Variants in NTN1 observed in about 807,000 individuals in gnomAD.
NTN1 encodes the protein netrin 1, also known as netrin-1.
Under a neutral mutation model 54.2 loss-of-function variants are expected in NTN1, and 11 were observed. The observed-to-expected ratio is 0.20, with a 90% CI of 0.13 to 0.34. NTN1 has a LOEUF of 0.34. Ranked by LOEUF, NTN1 falls within the 10% of genes least tolerant of loss-of-function variation. NTN1 has a pLI of 1.00. For missense variants in NTN1, 740 were observed against 893.1 expected (o/e 0.83, Z 2.18); for synonymous variants, 371 against 382.0 (o/e 0.97, Z 0.33).
intron 2 of NTN1, among the ~76,000 whole-genome samples, chr17:9,097,747 G>A (rs563486530): frequency 8.5e-5 from 13 of 152,198 alleles, no homozygotes; most frequent in Admixed American, 2.6e-4. Flanking sequence ...GCAGTTAAGC[G>A]CTTTTATCAC....
chr17:9,116,668 G>C (rs1413542625), intron 2 of NTN1, among the ~76,000 whole-genome samples: 1 of 152,176 alleles, frequency 6.6e-6, no homozygotes, highest in Non-Finnish European at 1.5e-5. Context: ...TGTCACCTAG[G>C]AAGGCCCCAG....
chr17:9,193,938 A>AAAAAAAAAAAAAAAAAAAAAAAAAAAAC (rs796452392), intron 5 of NTN1, among the ~76,000 whole-genome samples: 5 of 108,304 alleles, frequency 4.6e-5, no homozygotes, highest in Admixed American at 1.0e-4. Flanking sequence ...AAAAAAAAAA[A>AAAAAAAAAAAAAAAAAAAAAAAAAAAAC]AAAAAACATT....
intron 2 of NTN1, among the ~76,000 whole-genome samples, chr17:9,151,436 C>T (rs1167818440): frequency 6.6e-6 from 1 of 152,182 alleles, no homozygotes; most frequent in Non-Finnish European, 1.5e-5. Context: ...AGCCTCCCGT[C>T]CCACTCTGAC....
intron 2 of NTN1, among the ~76,000 whole-genome samples, chr17:9,133,738 C>T (rs1360536128): frequency 6.8e-6 from 1 of 147,860 alleles, no homozygotes; most frequent in East Asian, 2.0e-4. Flanking sequence ...CAGGTGCGCA[C>T]CACCATGCCC....
intron 4 of NTN1, among the ~76,000 whole-genome samples, chr17:9,180,489 A>G (rs2092415581): frequency 6.6e-6 from 1 of 152,092 alleles, no homozygotes; most frequent in Non-Finnish European, 1.5e-5. Context: ...GTCTATCCTG[A>G]CAAACACTGA....
At chr17:9,217,100 G>A (rs936087531) in intron 5 of NTN1, among the ~76,000 whole-genome samples, 1 of 151,306 alleles carries the variant, frequency 6.6e-6, no homozygotes, top group Non-Finnish European at 1.5e-5. Context: ...CTGTCCTTCT[G>A]GTCCCTAGTG....
At chr17:9,084,083 A>G (rs561078223) in intron 2 of NTN1, among the ~76,000 whole-genome samples, 1 of 152,274 alleles carries the variant, frequency 6.6e-6, no homozygotes, top group South Asian at 2.1e-4. Flanking sequence ...TCCGAAATAT[A>G]TTTCCAAAAG....
intron 2 of NTN1, among the ~76,000 whole-genome samples, chr17:9,105,700 C>T (rs950386629): frequency 6.6e-6 from 1 of 151,994 alleles, no homozygotes; most frequent in African/African-American, 2.4e-5. Flanking sequence ...CTCTCTGTCT[C>T]TCTCTGTTTC....
rs1256645240 is a variant in NTN1, at chr17:9,159,486, G to C, written c.1019-3327G>C. On this transcript the variant is annotated intron_variant, in intron 2 of 6. Coordinates refer to ENST00000173229, the MANE Select transcript of NTN1 (RefSeq NM_004822.3). ...TACAGCCTTTCTTGAGGGCAGTTTG[G>C]CAATTTGGTGCCAATGTTAAAAACA... is the stretch of plus-strand genomic sequence containing the variant. Among the ~76,000 whole-genome samples the C allele has an allele frequency of 2.6e-5, 4 of 152,156 alleles. No homozygotes were observed. In the East Asian group the frequency reaches 5.8e-4, roughly 22 times the overall value.
chr17:9,183,503 C>T (rs746120087), intron 5 of NTN1: 33 of 361,860 alleles, frequency 9.1e-5, no homozygotes, highest in Non-Finnish European at 1.6e-4. Context: ...AAGCCTGCAC[C>T]GTGGTCACTG....
intron 6 of NTN1, among the ~76,000 whole-genome samples, chr17:9,229,872 C>G (rs907961054): frequency 6.6e-6 from 1 of 152,060 alleles, no homozygotes; most frequent in Non-Finnish European, 1.5e-5. Context: ...TGGGAATGAC[C>G]GTAGCTCACT....
intron 2 of NTN1, among the ~76,000 whole-genome samples, chr17:9,037,630 T>C (rs1179122167): frequency 1.3e-5 from 2 of 152,150 alleles, no homozygotes; most frequent in Admixed American, 6.5e-5. Context: ...TTTATTTTTC[T>C]CCCTCACTGA....
intron 2 of NTN1, among the ~76,000 whole-genome samples, chr17:9,054,942 C>T (rs183892953): frequency 9.2e-5 from 14 of 152,152 alleles, no homozygotes; most frequent in Admixed American, 5.9e-4. Flanking sequence ...TAAACAATAG[C>T]GGTTTTAATG....
chr17:9,015,741 G>A, the NTN1 span, among the ~76,000 whole-genome samples: 38 of 152,040 alleles, frequency 2.5e-4, no homozygotes, highest in African/African-American at 8.9e-4. Context: ...CATTCCCAAT[G>A]CTCCTTCCCT....
At chr17:9,145,468 C>G (rs573357871) in intron 2 of NTN1, among the ~76,000 whole-genome samples, 2 of 152,360 alleles carry the variant, frequency 1.3e-5, no homozygotes, top group South Asian at 4.1e-4. Flanking sequence ...CCCCCTACCA[C>G]CCCATTTGCA....
chr17:9,036,812 T>C (rs1258326707), intron 2 of NTN1, among the ~76,000 whole-genome samples: 1 of 152,140 alleles, frequency 6.6e-6, no homozygotes, highest in Non-Finnish European at 1.5e-5. Context: ...CTCTATAACT[T>C]GAATGATACA....
At chr17:9,141,813 G>A (rs2092298689) in intron 2 of NTN1, among the ~76,000 whole-genome samples, 1 of 152,138 alleles carries the variant, frequency 6.6e-6, no homozygotes, top group Admixed American at 6.6e-5. Context: ...TGTAATCCCA[G>A]CACTTTGGGA....
Position 9,221,308 on chromosome 17 carries a change from C to G in NTN1, c.1486+66C>G. 3 of 1,310,720 alleles carry G rather than the reference C, an allele frequency of 2.3e-6. No individual in the cohort carries two copies. In the Middle Eastern group the frequency reaches 5.7e-4, roughly 250 times the overall value. 81.2% of individuals were successfully genotyped at this position (1,310,720 alleles called of 1,614,324 possible). ...CCACGTGACCAGCGAGGTGCTGGGGCTGGGGTGCAGCTGGCCCCCGATGGG... is the reference window on the plus strand; with the variant it reads ...CCACGTGACCAGCGAGGTGCTGGGGGTGGGGTGCAGCTGGCCCCCGATGGG... On this transcript the variant is annotated intron_variant, in intron 6 of 6. Coordinates refer to ENST00000173229, the MANE Select transcript of NTN1 (RefSeq NM_004822.3). The surrounding 1 kb of genome is among the most constrained non-coding windows in gnomAD (Gnocchi z 4.5).
At chr17:9,088,214 T>G (rs932933929) in intron 2 of NTN1, among the ~76,000 whole-genome samples, 1 of 152,248 alleles carries the variant, frequency 6.6e-6, no homozygotes, top group Non-Finnish European at 1.5e-5. Flanking sequence ...GAGGGACTTC[T>G]GTGGGTGCCC....
Sources: gnomAD v4.1 joint callset for allele counts (sites outside exome capture counted in the v4.1 genomes callset) on GRCh38, gnomAD v4.1.1 for gene constraint, Gnocchi (gnomAD v3.1) non-coding constraint, MANE v1.5 for transcripts, NCBI Gene and HGNC (gene_info 2026-07-23, HGNC 2026-07-21) for gene names.